The following RLF variants were observed in gnomAD, a reference collection of about 807,000 sequenced individuals.
RLF encodes the protein RLF zinc finger.
In RLF, 7 loss-of-function variants were observed where a neutral mutation model predicts 162.9. The ratio of observed to expected loss-of-function variants is 0.04; its 90% CI spans 0.02 to 0.08. The LOEUF (loss-of-function observed/expected upper bound fraction) is 0.08, where lower values mean the gene tolerates loss of function less well. Ranked by LOEUF, RLF falls within the 10% of genes least tolerant of loss-of-function variation. The pLI, the probability that RLF is intolerant of heterozygous loss-of-function variation, is 1.00. For synonymous variants in RLF, 782 were observed against 791.5 expected, an observed-to-expected ratio of 0.99 and a Z score of 0.20; for missense variants, 1,664 against 2,244.7, an observed-to-expected ratio of 0.74 and a Z score of 5.23.
Position 40,202,419 on chromosome 1 carries a change from A to G in RLF, c.615A>G (p.Lys205=), listed in dbSNP as rs748462808. Residue 205 remains lysine, a synonymous_variant, in exon 5 of 8, where the codon AAA becomes AAG. Coordinates refer to ENST00000372771, the MANE Select transcript of RLF (RefSeq NM_012421.4). ...QQPVETEEVN[K]LIAQEGPSFL... Reference sequence around the variant, plus strand: ...ATTTTTCATTTTTTCTAGTCAATAAATTGATTGCACAAGAAGGACCTTCCT... The same window carrying G: ...ATTTTTCATTTTTTCTAGTCAATAAGTTGATTGCACAAGAAGGACCTTCCT... 3 of 1,570,158 alleles carry G rather than the reference A, an allele frequency of 1.9e-6. No homozygotes were observed. Among genetic ancestry groups the G allele is most frequent in the Admixed American group, 2.0e-5 (1 of 48,862 alleles).
intron 2 of RLF, 97 bp from the exon 3 acceptor site, chr1:40,190,675 G>A: frequency 2.6e-6 from 2 of 770,972 alleles, no homozygotes; most frequent in Non-Finnish European, 2.0e-6. Flanking sequence ...ATTTAAAATA[G>A]CCTAAACAAA....
At chr1:40,200,876 ACACACAC>A (rs1469645534) in intron 4 of RLF, among the ~76,000 whole-genome samples, 2 of 43,924 alleles carry the variant, frequency 4.6e-5, no homozygotes, top group African/African-American at 2.3e-4. Context: ...CTACACACAC[ACACACAC>A]ACACACACAC....
rs190487356 is a variant in RLF, at chr1:40,177,587, C to T, written c.238-11468C>T. Among the ~76,000 whole-genome samples, 16 of 152,092 alleles carry T rather than the reference C, an allele frequency of 1.1e-4. No homozygotes were observed. The East Asian group carries it at 1.2e-3, about 11-fold the overall frequency. On this transcript the variant is annotated intron_variant, in intron 1 of 7. Transcript: ENST00000372771. ...GGATTACAGGCGTGAGCCACTGCAC[C>T]GGCCAACAGTGTATTTCTAAGAACG...
intron 4 of RLF, among the ~76,000 whole-genome samples, chr1:40,196,866 C>T (rs1642645104): frequency 6.6e-6 from 1 of 152,174 alleles, no homozygotes; most frequent in Non-Finnish European, 1.5e-5. Flanking sequence ...TTTGAATTGA[C>T]ATTTGCATTT....
intron 1 of RLF, among the ~76,000 whole-genome samples, chr1:40,187,353 C>G (rs1642496706): frequency 6.6e-6 from 1 of 152,128 alleles, no homozygotes; most frequent in Non-Finnish European, 1.5e-5. Flanking sequence ...TAGGTGAAAT[C>G]TTAGTTATGT....
At chr1:40,185,950 A>T (rs1040142089) in intron 1 of RLF, among the ~76,000 whole-genome samples, 1 of 151,118 alleles carries the variant, frequency 6.6e-6, no homozygotes, top group African/African-American at 2.4e-5. Flanking sequence ...TGAGGTCAAG[A>T]GTTCGAGACC....
intron 7 of RLF, among the ~76,000 whole-genome samples, chr1:40,231,995 C>T (rs185638110): frequency 8.5e-5 from 13 of 152,062 alleles, no homozygotes; most frequent in Admixed American, 4.6e-4. Context: ...ATTACTTGAG[C>T]TCAGGAGTTC....
intron 6 of RLF, among the ~76,000 whole-genome samples, chr1:40,228,367 T>C (rs1487756685): frequency 6.6e-6 from 1 of 150,724 alleles, no homozygotes; most frequent in Non-Finnish European, 1.5e-5. Flanking sequence ...GCGGATCACC[T>C]AAGGTCAGGA....
chr1:40,208,494 T>C (rs994148425), intron 5 of RLF, among the ~76,000 whole-genome samples: 18 of 152,196 alleles, frequency 1.2e-4, no homozygotes, highest in African/African-American at 4.3e-4. Flanking sequence ...GTGCTTTAAA[T>C]GTGTCGGTAT....
chr1:40,184,384 A>G (rs1642444914), intron 1 of RLF, among the ~76,000 whole-genome samples: 1 of 152,212 alleles, frequency 6.6e-6, no homozygotes, highest in Admixed American at 6.5e-5. Context: ...GTGAATGGCT[A>G]CAGAGATAAA....
intron 3 of RLF, among the ~76,000 whole-genome samples, chr1:40,193,110 C>T (rs182962452): frequency 5.0e-5 from 5 of 99,494 alleles, no homozygotes; most frequent in Non-Finnish European, 5.7e-5. Context: ...TTGAAAAGGG[C>T]GGCAGAGTGG....
At chr1:40,216,681 G>C (rs914644472) in intron 5 of RLF, among the ~76,000 whole-genome samples, 2 of 152,084 alleles carry the variant, frequency 1.3e-5, no homozygotes, top group Non-Finnish European at 2.9e-5. Context: ...AATAGAAAAA[G>C]AGGGAACACT....
In RLF at chr1:40,161,444, G is replaced by A. The variant is rs774904191; in HGVS notation, c.45G>A (p.Gly15=). The A allele has an allele frequency of 8.2e-6, 13 of 1,578,508 alleles. No homozygotes were observed. The highest frequency in any genetic ancestry group is 1.0e-5 in the Non-Finnish European group (12 of 1,164,642). ...ACGCCGCCGCTGTCGCCGGGGCTGGGGCTGAGGCTCCGGCGGTAGCGGGAG... is the reference window on the plus strand; with the variant it reads ...ACGCCGCCGCTGTCGCCGGGGCTGGAGCTGAGGCTCCGGCGGTAGCGGGAG... ...KGDAAAVAGA[G]AEAPAVAGAG... Residue 15 remains glycine, a synonymous_variant, in exon 1 of 8, where the codon GGG becomes GGA. Transcript: ENST00000372771. The surrounding 1 kb of genome is among the most constrained non-coding windows in gnomAD (Gnocchi z 4.4).
At chr1:40,177,368 CA>C (rs1217865739) in intron 1 of RLF, among the ~76,000 whole-genome samples, 2 of 151,122 alleles carry the variant, frequency 1.3e-5, no homozygotes, top group Non-Finnish European at 2.9e-5. Flanking sequence ...CAGCTCACTG[CA>C]AGCTCCGCCT....
intron 5 of RLF, among the ~76,000 whole-genome samples, chr1:40,217,302 C>CA (rs1296738462): frequency 2.0e-5 from 3 of 151,836 alleles, no homozygotes; most frequent in South Asian, 2.1e-4. Flanking sequence ...TCCATCTCTA[C>CA]AAAAAAATAA....
chr1:40,220,834 T>G (rs916323447), intron 5 of RLF, among the ~76,000 whole-genome samples: 2 of 151,916 alleles, frequency 1.3e-5, no homozygotes, highest in African/African-American at 2.4e-5. Context: ...CATAAAAAAG[T>G]TAAATAATAG....
chr1:40,237,234 A>G lies in RLF; in HGVS notation c.2532A>G (p.Ala844=). The G allele has an allele frequency of 6.2e-7, 1 of 1,614,018 alleles. No individual in the cohort carries two copies. The highest frequency in any genetic ancestry group is 8.5e-7 in the Non-Finnish European group (1 of 1,179,976). Reference sequence around the variant, plus strand: ...AATCAGTGAAACTTGAGGAGTCTGCAACAGGTGAAAAGCAAGATTGTATTA... The same window carrying G: ...AATCAGTGAAACTTGAGGAGTCTGCGACAGGTGAAAAGCAAGATTGTATTA... ...IKKSVKLEES[A]TGEKQDCINQ... is the part of the protein sequence containing the mutation. The change falls in exon 8 of 8, where the codon GCA becomes GCG. Residue 844 remains alanine, a synonymous_variant. Coordinates refer to ENST00000372771, the MANE Select transcript of RLF (RefSeq NM_012421.4). This position sits in a 1 kb window ranked among gnomAD's most constrained non-coding sequence, Gnocchi z 4.4.
chr1:40,200,182 A>G (rs946777575), intron 4 of RLF, among the ~76,000 whole-genome samples: 1 of 152,220 alleles, frequency 6.6e-6, no homozygotes, highest in African/African-American at 2.4e-5. Flanking sequence ...CTAAATCATA[A>G]TCTCCAGAGT....
chr1:40,177,026 C>T (rs1217265314), intron 1 of RLF, among the ~76,000 whole-genome samples: 2 of 148,824 alleles, frequency 1.3e-5, no homozygotes, highest in East Asian at 2.0e-4. Context: ...CTCACTTTGT[C>T]GTCCAGGCAG....
Sources: gnomAD v4.1 joint callset for allele counts (sites outside exome capture counted in the v4.1 genomes callset) on GRCh38, gnomAD v4.1.1 for gene constraint, Gnocchi (gnomAD v3.1) non-coding constraint, MANE v1.5 for transcripts, NCBI Gene and HGNC (gene_info 2026-07-23, HGNC 2026-07-21) for gene names.